The following DPYD variants were observed in gnomAD, a reference collection of about 807,000 sequenced individuals.
DPYD encodes dihydropyrimidine dehydrogenase.
In DPYD, 109 loss-of-function variants were observed where a neutral mutation model predicts 116.2. The ratio of observed to expected loss-of-function variants is 0.94; its 90% CI spans 0.80 to 1.10. The LOEUF (loss-of-function observed/expected upper bound fraction) is 1.10. Ranked by LOEUF, DPYD falls within the 50% of genes least tolerant of loss-of-function variation. DPYD has a pLI of 0.00. For synonymous variants in DPYD, 440 were observed against 432.0 expected (o/e 1.02, Z -0.23); for missense variants, 1,302 against 1,254.5 (o/e 1.04, Z -0.57).
chr1:97,573,870 C>T lies in DPYD; in HGVS notation c.1229G>A (p.Arg410Gln), dbSNP rs199646142. The T allele has an allele frequency of 2.3e-4, 373 of 1,613,464 alleles. No individual in the cohort carries two copies. Among genetic ancestry groups the T allele is most frequent in the South Asian group, 8.3e-4 (76 of 91,066 alleles). ...TTTTCCAGTTTCATCTTGCTCTGTCCGAACAAACTGCATAGCAACAATTCT... is the reference window on the plus strand; with the variant it reads ...TTTTCCAGTTTCATCTTGCTCTGTCTGAACAAACTGCATAGCAACAATTCT... ...GGRIVAMQFVRTEQDETGKWN... is the reference protein window; with the variant it reads ...GGRIVAMQFVQTEQDETGKWN... Residue 410 changes from arginine (R) to glutamine (Q), a missense_variant, in exon 11 of 23, where the codon CGG becomes CAG. Coordinates refer to ENST00000370192, the MANE Select transcript of DPYD (RefSeq NM_000110.4).
At chr1:97,085,556 T>C (rs1432314024) in intron 21 of DPYD, among the ~76,000 whole-genome samples, 2 of 152,236 alleles carry the variant, frequency 1.3e-5, no homozygotes, top group African/African-American at 4.8e-5. Context: ...GAATGACAAC[T>C]ATTTTAAATC....
At chr1:97,494,257 T>G (rs1335134995) in intron 13 of DPYD, among the ~76,000 whole-genome samples, 3 of 152,152 alleles carry the variant, frequency 2.0e-5, no homozygotes, top group East Asian at 1.9e-4. Flanking sequence ...AGTGCAGAGG[T>G]GCGAGCATAG....
intron 3 of DPYD, among the ~76,000 whole-genome samples, chr1:97,793,255 GAAGACTCAATTT>G (rs1370939158): frequency 6.6e-6 from 1 of 152,190 alleles, no homozygotes; most frequent in Admixed American, 6.5e-5. Context: ...TCATGGGTCA[GAAGACTCAATTT>G]TGTTAAGATG....
At chr1:97,344,539 G>A (rs548990088) in intron 16 of DPYD, among the ~76,000 whole-genome samples, 1 of 151,124 alleles carries the variant, frequency 6.6e-6, no homozygotes, top group Non-Finnish European at 1.5e-5. Flanking sequence ...ATGTATTATT[G>A]TTATTTTAAC....
chr1:97,694,894 T>C (rs916971369), intron 6 of DPYD, among the ~76,000 whole-genome samples: 2 of 152,206 alleles, frequency 1.3e-5, no homozygotes, highest in African/African-American at 4.8e-5. Context: ...ATAGCCATAG[T>C]TGCTATTGAG....
chr1:97,414,942 T>C (rs1475302929), intron 14 of DPYD, among the ~76,000 whole-genome samples: 1 of 152,230 alleles, frequency 6.6e-6, no homozygotes, highest in Middle Eastern at 3.2e-3. Context: ...ACTATCTCAT[T>C]CTTTTTTTAA....
chr1:97,317,398 G>T (rs1342361517), intron 16 of DPYD, among the ~76,000 whole-genome samples: 2 of 151,834 alleles, frequency 1.3e-5, no homozygotes, highest in Non-Finnish European at 2.9e-5. Context: ...GACCTCAGTG[G>T]GTTATGAAAT....
At chr1:97,243,151 T>C (rs1662487825) in intron 18 of DPYD, among the ~76,000 whole-genome samples, 1 of 151,886 alleles carries the variant, frequency 6.6e-6, no homozygotes, top group South Asian at 2.1e-4. Context: ...AAATATTGGA[T>C]TAGTTTTTCT....
In DPYD at chr1:97,605,179, T is replaced by C. The variant is rs577571647; in HGVS notation, c.851-10013A>G. On this transcript the variant is annotated intron_variant, in intron 8 of 22. Transcript: ENST00000370192. ...GTTTATAAAAGAAGTTGTAAGAATA[T>C]TGGGTCCAGTGTAAGCGGAAGCAAC... Among the ~76,000 whole-genome samples, 21 of 152,238 alleles carry C rather than the reference T, an allele frequency of 1.4e-4. No homozygotes were observed. The South Asian group carries it at 2.9e-3, about 21-fold the overall frequency.
At chr1:97,163,562 A>C (rs934828046) in intron 20 of DPYD, among the ~76,000 whole-genome samples, 5 of 152,302 alleles carry the variant, frequency 3.3e-5, no homozygotes, top group African/African-American at 1.2e-4. Flanking sequence ...GTGAAGTCCA[A>C]GATCAAAGTG....
intron 10 of DPYD, among the ~76,000 whole-genome samples, chr1:97,585,250 G>C (rs1017890688): frequency 6.6e-6 from 1 of 152,024 alleles, no homozygotes; most frequent in African/African-American, 2.4e-5. Context: ...AAAGTAATAA[G>C]TACCCTATGT....
At chr1:97,193,008 G>A in intron 20 of DPYD, 61 bp downstream of exon 20, 1 of 1,568,760 alleles carries the variant, frequency 6.4e-7, no homozygotes, top group South Asian at 1.1e-5. Flanking sequence ...TGGTAAATAA[G>A]ATCTGAAATA....
chr1:97,420,246 C>T (rs1332463544), intron 14 of DPYD: 1 of 152,260 alleles, frequency 6.6e-6, no homozygotes, highest in Non-Finnish European at 1.5e-5. Flanking sequence ...AGGTGGCCAA[C>T]TGAAGTAGGT....
At chr1:97,209,723 A>G (rs1038012125) in intron 19 of DPYD, among the ~76,000 whole-genome samples, 5 of 152,136 alleles carry the variant, frequency 3.3e-5, no homozygotes, top group Non-Finnish European at 7.4e-5. Context: ...AAGCATGACA[A>G]CTGAAATCCC....
At chr1:97,914,308 G>C (rs933932843) in intron 1 of DPYD, among the ~76,000 whole-genome samples, 2 of 152,070 alleles carry the variant, frequency 1.3e-5, no homozygotes, top group Non-Finnish European at 2.9e-5. Flanking sequence ...AGTGTGTTTA[G>C]GGATGCTTAA....
chr1:97,824,854 G>C (rs563473512), intron 3 of DPYD, among the ~76,000 whole-genome samples: 2 of 152,172 alleles, frequency 1.3e-5, no homozygotes, highest in East Asian at 3.9e-4. Context: ...CACTATTCTT[G>C]GAAATCATAT....
At chr1:97,232,290 A>T (rs945792005) in intron 19 of DPYD, among the ~76,000 whole-genome samples, 2 of 152,116 alleles carry the variant, frequency 1.3e-5, no homozygotes, top group Non-Finnish European at 2.9e-5. Flanking sequence ...GTCCCCAATA[A>T]GTAAGGTGTC....
intron 2 of DPYD, among the ~76,000 whole-genome samples, chr1:97,868,738 G>A (rs529814228): frequency 1.3e-5 from 2 of 151,766 alleles, no homozygotes; most frequent in Non-Finnish European, 2.9e-5. Flanking sequence ...GTGTCTCTGA[G>A]TCAGAGCTGA....
intron 20 of DPYD, among the ~76,000 whole-genome samples, chr1:97,155,997 C>G (rs942144056): frequency 1.3e-5 from 1 of 76,436 alleles, no homozygotes; most frequent in African/African-American, 8.7e-5. Flanking sequence ...TTTTCAACAA[C>G]CTCTGGTGAT....
Sources: allele counts gnomAD v4.1 joint callset (sites outside exome capture counted in the v4.1 genomes callset), GRCh38; gene constraint gnomAD v4.1.1; transcripts MANE v1.5; gene names NCBI Gene and HGNC (gene_info 2026-07-23, HGNC 2026-07-21).